FARS2: variants seen among roughly 807,000 people sequenced by gnomAD.
The protein encoded by FARS2 is phenylalanine--tRNA ligase, mitochondrial.
A neutral mutation model predicts 46.4 loss-of-function variants in FARS2; 40 were observed. The ratio of observed to expected loss-of-function variants is 0.86; its 90% CI spans 0.67 to 1.12. The LOEUF (loss-of-function observed/expected upper bound fraction) is 1.12. FARS2 is among the 50% of genes most tolerant of loss of function. The pLI is 0.00. For synonymous variants in FARS2, 234 were observed against 214.9 expected (o/e 1.09, Z -0.78); for missense variants, 513 against 567.9 (o/e 0.90, Z 0.98).
chr6:5,771,277 C>T lies in FARS2; in HGVS notation c.1218-14C>T, dbSNP rs1763034504. On this transcript the variant is annotated splice_polypyrimidine_tract_variant and intron_variant, in intron 6 of 6. Coordinates refer to ENST00000274680, the MANE Select transcript of FARS2 (RefSeq NM_006567.5). ...TTCATCCCGCACTCACCTGTGTTCTCTTCCTCTCTGTAGGACGCACAAGAC... is the reference window on the plus strand; with the variant it reads ...TTCATCCCGCACTCACCTGTGTTCTTTTCCTCTCTGTAGGACGCACAAGAC... 1.2e-6 allele frequency: 2 copies of T among 1,613,894 alleles called. No individual in the cohort carries two copies. The highest frequency in any genetic ancestry group is 1.3e-5 in the African/African-American group (1 of 74,942).
intron 5 of FARS2, chr6:5,609,246 C>A (rs938536583): frequency 1.7e-6 from 2 of 1,180,502 alleles, no homozygotes; most frequent in East Asian, 4.7e-5. Flanking sequence ...TCTGCCACTG[C>A]CTTAGCTACT....
Position 5,759,209 on chromosome 6 carries a change from C to T in FARS2, c.1218-12082C>T, listed in dbSNP as rs114912492. ...CCTCTGTCTGGGACTGCCCGCCACC[C>T]GCTCTCACTTTCTTTCACTCCATCG... On this transcript the variant is annotated intron_variant, in intron 6 of 6. Transcript: ENST00000274680. 1.3e-3 allele frequency among the ~76,000 whole-genome samples: 202 copies of T among 152,258 alleles called. 1 individual carries two copies. The Middle Eastern group carries it at 0.017, about 13-fold the overall frequency.
At chr6:5,552,205 TAA>T (rs967662278) in intron 5 of FARS2, among the ~76,000 whole-genome samples, 1 of 152,196 alleles carries the variant, frequency 6.6e-6, no homozygotes, top group Non-Finnish European at 1.5e-5. Context: ...TTTACATATA[TAA>T]GAGGGGACTG....
chr6:5,455,316 A>G lies in FARS2; in HGVS notation c.904+24144A>G, dbSNP rs142191958. ...TGCCTTTCAAAATATATACACTTTT[A>G]TTGCCAAGGGAAAATTTTTGAAGCT... On this transcript the variant is annotated intron_variant, in intron 4 of 6. Transcript: ENST00000274680. Among the ~76,000 whole-genome samples, 3 of 152,300 alleles carry G rather than the reference A, an allele frequency of 2.0e-5. No individual in the cohort carries two copies. The East Asian group carries it at 5.8e-4, about 29-fold the overall frequency.
At chr6:5,753,542 C>T (rs1244323379) in intron 6 of FARS2, among the ~76,000 whole-genome samples, 8 of 152,242 alleles carry the variant, frequency 5.3e-5, no homozygotes, top group South Asian at 2.1e-4. Flanking sequence ...AGCTGTGGCA[C>T]GGAGCTGTCA....
chr6:5,755,958 G>A (rs1274812512), intron 6 of FARS2, among the ~76,000 whole-genome samples: 1 of 152,206 alleles, frequency 6.6e-6, no homozygotes, highest in Non-Finnish European at 1.5e-5. Context: ...TTCAAATCCA[G>A]ACAGAGGCAA....
Position 5,386,555 on chromosome 6 carries a change from C to T in FARS2, c.612+17373C>T, listed in dbSNP as rs773064742. Among the ~76,000 whole-genome samples the T allele has an allele frequency of 1.4e-4, 22 of 152,212 alleles. 1 individual carries two copies. Among genetic ancestry groups the T allele is most frequent in the East Asian group, 7.7e-4 (4 of 5,184 alleles). ...AGAGTTGTTAGGAGATTATTACAAT[C>T]GTCCGAGAGAACCAGTGCAGGCTAA... On this transcript the variant is annotated intron_variant, in intron 2 of 6. Transcript: ENST00000274680.
At chr6:5,470,729 A>C (rs186024606) in intron 4 of FARS2, among the ~76,000 whole-genome samples, 2 of 152,338 alleles carry the variant, frequency 1.3e-5, no homozygotes, top group Admixed American at 6.5e-5. Flanking sequence ...TGTTTATTAA[A>C]AATTCCAAGA....
At chr6:5,404,750 A>G in intron 3 of FARS2, 49 bp downstream of exon 3, 1 of 1,259,212 alleles carries the variant, frequency 7.9e-7, no homozygotes. Flanking sequence ...AATACTTGGG[A>G]CAGAAGTGTT....
intron 4 of FARS2, among the ~76,000 whole-genome samples, chr6:5,478,112 T>A (rs1766234111): frequency 6.6e-6 from 1 of 151,860 alleles, no homozygotes; most frequent in African/African-American, 2.4e-5. Context: ...TTGGCACATA[T>A]TAAACGTGAT....
At chr6:5,528,252 AC>A (rs1769596886) in intron 4 of FARS2, among the ~76,000 whole-genome samples, 1 of 151,696 alleles carries the variant, frequency 6.6e-6, no homozygotes, top group Non-Finnish European at 1.5e-5. Flanking sequence ...TTGGATTTGA[AC>A]TCCTGGGCTC....
rs561617844 is a variant in FARS2, at chr6:5,460,544, GGTGTTGCT to G, written c.904+29373_904+29380del. 1.4e-4 allele frequency among the ~76,000 whole-genome samples: 21 copies of G among 152,270 alleles called. No homozygotes were observed. In the South Asian group the frequency reaches 4.1e-3, roughly 30 times the overall value. ...CACACAGCTGCCCTGGCCTGCCAGGGGTGTTGCTTTATCTGCCACTTTGGGATGGGAGG... is the reference window on the plus strand; with the variant it reads ...CACACAGCTGCCCTGGCCTGCCAGGGTTATCTGCCACTTTGGGATGGGAGG... On this transcript the variant is annotated intron_variant, in intron 4 of 6. Coordinates refer to ENST00000274680, the MANE Select transcript of FARS2 (RefSeq NM_006567.5).
At chr6:5,454,235 T>C (rs981217223) in intron 4 of FARS2, among the ~76,000 whole-genome samples, 1 of 152,006 alleles carries the variant, frequency 6.6e-6, no homozygotes, top group Non-Finnish European at 1.5e-5. Context: ...GCCTTTCTGC[T>C]GTCACTTGTG....
intron 6 of FARS2, among the ~76,000 whole-genome samples, chr6:5,712,720 C>G (rs772073246): frequency 6.6e-6 from 1 of 152,232 alleles, no homozygotes; most frequent in Non-Finnish European, 1.5e-5. Flanking sequence ...CCAGCTCCCT[C>G]CCCACCTGTC....
chr6:5,260,263 A>G (rs1376091968), upstream of FARS2, among the ~76,000 whole-genome samples: 1 of 152,116 alleles, frequency 6.6e-6, no homozygotes, highest in Non-Finnish European at 1.5e-5. Flanking sequence ...TCCACTCTCA[A>G]CTCTTCCAGT....
intron 1 of FARS2, among the ~76,000 whole-genome samples, chr6:5,266,591 G>A (rs1765565757): frequency 2.6e-5 from 4 of 152,188 alleles, no homozygotes; most frequent in Admixed American, 6.6e-5. Context: ...TGTGGACCTT[G>A]GCCTGAGATG....
Position 5,730,238 on chromosome 6 carries a change from A to G in FARS2, c.1218-41053A>G, listed in dbSNP as rs75253989. Among the ~76,000 whole-genome samples the G allele has an allele frequency of 1.9e-3, 283 of 152,282 alleles. 2 individuals are homozygous for G. The highest frequency in any genetic ancestry group is 6.5e-3 in the African/African-American group (269 of 41,526). The stretch of plus-strand genomic sequence containing the variant: ...GACAGCAGTGCCTTGGGAGCTAAAC[A>G]TACTCAAACTGTGAGCCTTTCTAGA... On this transcript the variant is annotated intron_variant, in intron 6 of 6. Transcript: ENST00000274680.
intron 6 of FARS2, among the ~76,000 whole-genome samples, chr6:5,717,929 T>TAGAGAGAGAGAGAGAGAG (rs372348270): frequency 0.17 from 17,962 of 104,696 alleles, 1,603 homozygotes; most frequent in Middle Eastern, 0.26. Flanking sequence ...TATATATATA[T>TAGAGAGAGAGAGAGAGAG]ATATATACAG....
At chr6:5,455,329 A>T (rs1206813872) in intron 4 of FARS2, among the ~76,000 whole-genome samples, 1 of 152,160 alleles carries the variant, frequency 6.6e-6, no homozygotes, top group East Asian at 1.9e-4. Flanking sequence ...GCCAAGGGAA[A>T]ATTTTTGAAG....
Sources: gnomAD v4.1 joint callset for allele counts (sites outside exome capture counted in the v4.1 genomes callset) on GRCh38, gnomAD v4.1.1 for gene constraint, MANE v1.5 for transcripts, NCBI Gene and HGNC (gene_info 2026-07-23, HGNC 2026-07-21) for gene names.